Variants in PPP1R1C observed in about 807,000 individuals in gnomAD.
PPP1R1C encodes protein phosphatase 1 regulatory subunit 1C.
Under a neutral mutation model 17.4 loss-of-function variants are expected in PPP1R1C, and 15 were observed. The observed-to-expected ratio is 0.86, with a 90% CI of 0.58 to 1.33. The LOEUF is 1.33. Ranked by LOEUF, PPP1R1C falls within the 40% of genes most tolerant of loss-of-function variation. The pLI is 0.00. For missense variants in PPP1R1C, 143 were observed against 130.0 expected (o/e 1.10, Z -0.48); for synonymous variants, 35 against 43.1 (o/e 0.81, Z 0.73).
chr2:182,058,311 T>G (rs181683369), intron 2 of PPP1R1C, among the ~76,000 whole-genome samples: 2 of 152,228 alleles, frequency 1.3e-5, no homozygotes, highest in East Asian at 3.9e-4. Context: ...ATTTATCTGA[T>G]GTTTTTCTCA....
At chr2:181,978,290 G>A (rs989842663) in intron 2 of PPP1R1C, among the ~76,000 whole-genome samples, 10 of 152,198 alleles carry the variant, frequency 6.6e-5, no homozygotes, top group Non-Finnish European at 1.2e-4. Flanking sequence ...ACCTCTGCAT[G>A]CGACTTGGGC....
At chr2:182,094,743 C>T (rs571927796) in intron 4 of PPP1R1C, among the ~76,000 whole-genome samples, 13 of 152,268 alleles carry the variant, frequency 8.5e-5, no homozygotes, top group East Asian at 7.7e-4. Context: ...TCAGACCTTG[C>T]GATGACCTTG....
At chr2:182,073,966 G>A (rs1043418152) in intron 4 of PPP1R1C, among the ~76,000 whole-genome samples, 6 of 151,934 alleles carry the variant, frequency 3.9e-5, no homozygotes, top group Non-Finnish European at 7.4e-5. Flanking sequence ...TGCTTGACAC[G>A]TTGCCATATT....
intron 2 of PPP1R1C, among the ~76,000 whole-genome samples, chr2:181,980,821 A>C (rs549642505): frequency 1.3e-5 from 2 of 152,328 alleles, no homozygotes; most frequent in South Asian, 4.1e-4. Context: ...AGTTCAATTC[A>C]GCACTCATAT....
At chr2:182,002,939 C>CG (rs1378715133) in intron 2 of PPP1R1C, among the ~76,000 whole-genome samples, 1 of 141,454 alleles carries the variant, frequency 7.1e-6, no homozygotes, top group Non-Finnish European at 1.6e-5. Context: ...CTCCCCCCCC[C>CG]CACAACCCTG....
At position 182,046,353 on chromosome 2, in the gene PPP1R1C, T is replaced by C. The variant is rs73038917; in HGVS notation, c.143-15089T>C. On this transcript the variant is annotated intron_variant, in intron 2 of 4. Coordinates refer to ENST00000682840, the MANE Select transcript of PPP1R1C (RefSeq NM_001080545.3). The stretch of plus-strand genomic sequence containing the variant: ...ATCCCTAGTAACCACTGTTCCACTC[T>C]CTGTGAAACCCAATATTAAACATAG... Among the ~76,000 whole-genome samples the C allele has an allele frequency of 5.3e-3, 809 of 152,256 alleles. 4 individuals are homozygous for C. The highest frequency in any genetic ancestry group is 0.018 in the African/African-American group (761 of 41,540).
intron 2 of PPP1R1C, among the ~76,000 whole-genome samples, chr2:181,991,859 T>G (rs1685482957): frequency 6.6e-6 from 1 of 152,200 alleles, no homozygotes; most frequent in Non-Finnish European, 1.5e-5. Flanking sequence ...GTGAACTGGT[T>G]TGGTTCCTAT....
chr2:181,986,281 G>A, intron 1 of PPP1R1C, 90 bp downstream of exon 1: 4 of 1,053,768 alleles, frequency 3.8e-6, no homozygotes, highest in Non-Finnish European at 4.4e-6. Flanking sequence ...TTTACCTTTT[G>A]ATTTTGCTAA....
intron 3 of PPP1R1C, among the ~76,000 whole-genome samples, chr2:182,062,072 A>C (rs1231667977): frequency 6.6e-6 from 1 of 152,146 alleles, no homozygotes; most frequent in African/African-American, 2.4e-5. Context: ...TATAGAATAT[A>C]TGAAACACAA....
At chr2:182,087,122 A>G (rs544003832) in intron 4 of PPP1R1C, among the ~76,000 whole-genome samples, 10 of 152,236 alleles carry the variant, frequency 6.6e-5, no homozygotes, top group Admixed American at 3.3e-4. Flanking sequence ...GCCAGTTGTT[A>G]TCATTGTTGT....
intron 2 of PPP1R1C, among the ~76,000 whole-genome samples, chr2:182,009,118 C>T (rs1226227099): frequency 6.6e-6 from 1 of 152,090 alleles, no homozygotes; most frequent in Non-Finnish European, 1.5e-5. Context: ...CTTCAATACA[C>T]TGATTTCTTT....
At chr2:182,080,337 G>A (rs1016646373) in intron 4 of PPP1R1C, among the ~76,000 whole-genome samples, 6 of 152,122 alleles carry the variant, frequency 3.9e-5, no homozygotes, top group African/African-American at 1.4e-4. Flanking sequence ...CCTGTAAATG[G>A]TATCACTATC....
chr2:182,048,394 G>A (rs1381448520), intron 2 of PPP1R1C, among the ~76,000 whole-genome samples: 2 of 152,210 alleles, frequency 1.3e-5, no homozygotes, highest in African/African-American at 4.8e-5. Context: ...GATAAGTCAG[G>A]AAGACAGGCT....
chr2:182,107,286 A>G (rs945183155), intron 4 of PPP1R1C, among the ~76,000 whole-genome samples: 3 of 152,186 alleles, frequency 2.0e-5, no homozygotes, highest in South Asian at 4.1e-4. Flanking sequence ...CATGATTCCA[A>G]TGAAGTATTT....
At chr2:182,055,890 T>G (rs1687670237) in intron 2 of PPP1R1C, among the ~76,000 whole-genome samples, 1 of 152,232 alleles carries the variant, frequency 6.6e-6, no homozygotes, top group Admixed American at 6.5e-5. Context: ...AAAAAGAATT[T>G]TCATTTTCTT....
At chr2:181,993,655 G>A (rs1685530923) in intron 2 of PPP1R1C, among the ~76,000 whole-genome samples, 1 of 152,006 alleles carries the variant, frequency 6.6e-6, no homozygotes, top group Admixed American at 6.6e-5. Flanking sequence ...ATTTCCCTCA[G>A]CATTTATTTT....
upstream of PPP1R1C, chr2:181,985,724 T>A (rs375092712): frequency 4.6e-6 from 1 of 219,244 alleles, no homozygotes; most frequent in Non-Finnish European, 9.1e-6. The surrounding 1 kb of genome is among the most constrained non-coding windows in gnomAD (Gnocchi z 4.1). Flanking sequence ...CGGTTAGTAA[T>A]GTACAGTGGA....
intron 2 of PPP1R1C, among the ~76,000 whole-genome samples, chr2:181,995,894 G>C (rs750195397): frequency 2.0e-5 from 3 of 152,082 alleles, no homozygotes; most frequent in African/African-American, 7.2e-5. Flanking sequence ...ATTCCAGACA[G>C]AATTTACCAG....
intron 2 of PPP1R1C, among the ~76,000 whole-genome samples, chr2:181,978,672 G>A (rs762691435): frequency 2.0e-5 from 3 of 152,146 alleles, no homozygotes; most frequent in Non-Finnish European, 4.4e-5. Flanking sequence ...AGTGGAATGA[G>A]CATGGCCTTT....
Sources: gnomAD v4.1 joint callset for allele counts (sites outside exome capture counted in the v4.1 genomes callset) on GRCh38, gnomAD v4.1.1 for gene constraint, Gnocchi (gnomAD v3.1) non-coding constraint, MANE v1.5 for transcripts, NCBI Gene and HGNC (gene_info 2026-07-23, HGNC 2026-07-21) for gene names.